ARPP21: variants seen among roughly 807,000 people sequenced by gnomAD.
The protein encoded by ARPP21 is cAMP-regulated phosphoprotein 21.
ARPP21 carries 69 observed loss-of-function variants against 113.2 expected under a neutral mutation model. The ratio of observed to expected loss-of-function variants is 0.61; its 90% CI spans 0.50 to 0.74. ARPP21 has a LOEUF of 0.74. ARPP21 is among the 30% of genes least tolerant of loss of function. ARPP21 has a pLI of 0.00. For synonymous variants in ARPP21, 368 were observed against 375.5 expected (o/e 0.98, Z 0.23); for missense variants, 1,070 against 1,037.4 (o/e 1.03, Z -0.43).
intron 19 of ARPP21, among the ~76,000 whole-genome samples, chr3:35,748,979 C>T (rs770247034): frequency 2.0e-5 from 3 of 152,078 alleles, no homozygotes; most frequent in African/African-American, 4.8e-5. Context: ...AGCACCCAGA[C>T]GTGACTGGTT....
At chr3:35,748,086 G>GA (rs71634572) in intron 19 of ARPP21, among the ~76,000 whole-genome samples, 1 of 120,482 alleles carries the variant, frequency 8.3e-6, no homozygotes, top group Non-Finnish European at 1.7e-5. Flanking sequence ...AAGAAAGAAA[G>GA]AAAGAAAGAA....
rs1346888304 is a variant in ARPP21, at chr3:35,759,674, C to CTGTGTGTGTGTGTG, written c.2137+15710_2137+15711insGTGTGTGTGTGTGT. ...TCATTTTTTTCCTTTCATTTTCTCT[C>CTGTGTGTGTGTGTG]TCTGTGTGTGTGTGTGTGTGTGTGT... On this transcript the variant is annotated intron_variant, in intron 19 of 20. Coordinates refer to ENST00000684406, the MANE Select transcript of ARPP21 (RefSeq NM_001385562.1). Among the ~76,000 whole-genome samples the CTGTGTGTGTGTGTG allele has an allele frequency of 7.1e-4, 93 of 130,700 alleles. 1 individual carries two copies. Among genetic ancestry groups the CTGTGTGTGTGTGTG allele is most frequent in the African/African-American group, 2.2e-3 (78 of 35,618 alleles). 85.7% of individuals were successfully genotyped at this position (130,700 alleles called of 152,430 possible).
At chr3:35,695,247 A>G (rs1188243132) in intron 9 of ARPP21, among the ~76,000 whole-genome samples, 2 of 151,584 alleles carry the variant, frequency 1.3e-5, no homozygotes, top group South Asian at 2.1e-4. Flanking sequence ...GAGATTTTAC[A>G]TTAATACATT....
intron 19 of ARPP21, among the ~76,000 whole-genome samples, chr3:35,769,461 G>A (rs977951526): frequency 6.6e-5 from 10 of 152,154 alleles, no homozygotes; most frequent in African/African-American, 2.4e-4. Context: ...AAAGGAAATA[G>A]GATCCTGAGT....
chr3:35,776,645 A>G (rs1261771605), intron 19 of ARPP21, among the ~76,000 whole-genome samples: 1 of 152,194 alleles, frequency 6.6e-6, no homozygotes, highest in Non-Finnish European at 1.5e-5. Context: ...AGCTTTGATT[A>G]GGAGACAAAG....
intron 14 of ARPP21, among the ~76,000 whole-genome samples, chr3:35,722,434 T>C (rs1009023010): frequency 1.3e-5 from 2 of 152,202 alleles, no homozygotes; most frequent in African/African-American, 4.8e-5. Context: ...GTAGAAATAT[T>C]ATGAAGACTG....
At chr3:35,724,626 A>C (rs1170195365) in intron 14 of ARPP21, among the ~76,000 whole-genome samples, 3 of 152,222 alleles carry the variant, frequency 2.0e-5, no homozygotes, top group Admixed American at 6.5e-5. Flanking sequence ...GCTCTGGAGA[A>C]ATAAAATGTA....
chr3:35,731,918 C>A (rs1185137336), intron 15 of ARPP21, among the ~76,000 whole-genome samples: 1 of 152,136 alleles, frequency 6.6e-6, no homozygotes, highest in East Asian at 1.9e-4. Context: ...TACAACCATA[C>A]TTAGAAGCTG....
intron 13 of ARPP21, among the ~76,000 whole-genome samples, chr3:35,718,940 A>G (rs2092762493): frequency 6.6e-6 from 1 of 151,970 alleles, no homozygotes; most frequent in African/African-American, 2.4e-5. Flanking sequence ...ATAGACATAA[A>G]GGAAAATAAA....
rs542105841 is a variant in ARPP21 at position 35,747,662 on chromosome 3, A to C, written c.2137+3697A>C. ...GCCAGGCATGGTGGTACTTGCCAGT[A>C]GTCCCAGCAACTTGGAGGAGTACAA... On this transcript the variant is annotated intron_variant, in intron 19 of 20. Transcript: ENST00000684406. Among the ~76,000 whole-genome samples, 16 of 152,252 alleles carry C rather than the reference A, an allele frequency of 1.1e-4. No homozygotes were observed. In the South Asian group the frequency reaches 3.3e-3, roughly 32 times the overall value.
At chr3:35,678,199 T>G (rs183023874) in intron 1 of ARPP21, among the ~76,000 whole-genome samples, 138 of 152,034 alleles carry the variant, frequency 9.1e-4, no homozygotes, top group African/African-American at 3.1e-3. Context: ...TAAGACTTAG[T>G]TTTGGAAATT....
intron 19 of ARPP21, chr3:35,744,598 G>T: frequency 2.0e-6 from 1 of 495,204 alleles, no homozygotes; most frequent in African/African-American, 2.0e-5. Flanking sequence ...AGAGCAGCAC[G>T]AACCCGACAG....
At chr3:35,661,870 A>G (rs1707996905) in intron 1 of ARPP21, among the ~76,000 whole-genome samples, 1 of 152,090 alleles carries the variant, frequency 6.6e-6, no homozygotes, top group Non-Finnish European at 1.5e-5. Context: ...TAAATGAGAT[A>G]CTTTGTAAAA....
chr3:35,772,085 T>C (rs1385536435), intron 19 of ARPP21, among the ~76,000 whole-genome samples: 1 of 152,174 alleles, frequency 6.6e-6, no homozygotes, highest in African/African-American at 2.4e-5. Flanking sequence ...TTTGAAGCCA[T>C]TAAAATACTA....
chr3:35,652,146 A>G (rs755247248), intron 1 of ARPP21, among the ~76,000 whole-genome samples: 1 of 152,076 alleles, frequency 6.6e-6, no homozygotes, highest in Non-Finnish European at 1.5e-5. Context: ...ATAATCTACT[A>G]ATGTGACTCA....
chr3:35,754,110 G>A (rs2095495231), intron 19 of ARPP21, among the ~76,000 whole-genome samples: 2 of 151,674 alleles, frequency 1.3e-5, no homozygotes, highest in African/African-American at 4.8e-5. Context: ...ATACTGGTAT[G>A]ACCAATAAGA....
At chr3:35,759,773 T>C (rs896179946) in intron 19 of ARPP21, among the ~76,000 whole-genome samples, 1 of 151,848 alleles carries the variant, frequency 6.6e-6, no homozygotes, top group African/African-American at 2.4e-5. Context: ...AATTAAAGCA[T>C]TGGCAGATTT....
At chr3:35,670,029 G>C (rs1479359362) in intron 1 of ARPP21, among the ~76,000 whole-genome samples, 1 of 152,098 alleles carries the variant, frequency 6.6e-6, no homozygotes, top group Non-Finnish European at 1.5e-5. Flanking sequence ...AATAGTTTCT[G>C]CCAGGTCCTT....
intron 15 of ARPP21, 100 bp downstream of exon 15, chr3:35,729,636 A>G (rs1470556211): frequency 1.9e-5 from 20 of 1,066,126 alleles, no homozygotes; most frequent in Middle Eastern, 2.0e-4. Context: ...AAAATTCCTG[A>G]ACAGGAAAGC....
Sources: allele counts gnomAD v4.1 joint callset (sites outside exome capture counted in the v4.1 genomes callset), GRCh38; gene constraint gnomAD v4.1.1; transcripts MANE v1.5; gene names NCBI Gene and HGNC (gene_info 2026-07-23, HGNC 2026-07-21).